The following SLC26A11 variants were observed in gnomAD, a reference collection of about 807,000 sequenced individuals.
The protein encoded by SLC26A11 is solute carrier family 26 member 11, also known as sodium-independent sulfate anion transporter.
A neutral mutation model predicts 62.2 loss-of-function variants in SLC26A11; 58 were observed. That is an observed-to-expected ratio of 0.93 (90% CI 0.76 to 1.16). SLC26A11 has a LOEUF of 1.16. SLC26A11 is among the 50% of genes most tolerant of loss of function. SLC26A11 has a pLI of 0.00. For synonymous variants in SLC26A11, 411 were observed against 368.9 expected (o/e 1.11, Z -1.31); for missense variants, 790 against 794.3 (o/e 0.99, Z 0.06).
chr17:80,235,128 G>A (rs1286035785), intron 7 of SLC26A11, among the ~76,000 whole-genome samples: 1 of 152,090 alleles, frequency 6.6e-6, no homozygotes, highest in Non-Finnish European at 1.5e-5. Flanking sequence ...GGGATTACAG[G>A]CGTGAGCTAC....
intron 3 of SLC26A11, 26 bp downstream of exon 3, chr17:80,221,820 C>T (rs1241861054): frequency 6.3e-7 from 1 of 1,592,192 alleles, no homozygotes; most frequent in Non-Finnish European, 8.5e-7. Context: ...CTGCTGCCAG[C>T]CATATCTCAG....
chr17:80,236,912 T>G lies in SLC26A11; in HGVS notation c.737-16T>G. The G allele has an allele frequency of 6.3e-7, 1 of 1,599,190 alleles. No individual in the cohort carries two copies. The highest frequency in any genetic ancestry group is 2.2e-5 in the East Asian group (1 of 44,454). ...CCGGGAGCAGGGTCTCGGACGCACC[T>G]CTCCTTCTCTCCTAGCTCGCAACGC... On this transcript the variant is annotated splice_polypyrimidine_tract_variant and intron_variant, in intron 7 of 17. Transcript: ENST00000361193.
chr17:80,231,776 T>G (rs1458302105), intron 7 of SLC26A11, among the ~76,000 whole-genome samples: 4 of 152,264 alleles, frequency 2.6e-5, no homozygotes, highest in African/African-American at 9.6e-5. Flanking sequence ...TGATTTCTAA[T>G]TTAGTTCCAT....
chr17:80,222,450 G>A lies in SLC26A11; in HGVS notation c.235-205G>A. The A allele has an allele frequency of 5.1e-6, 3 of 585,296 alleles. No homozygotes were observed. Among genetic ancestry groups the A allele is most frequent in the Admixed American group, 6.0e-5 (2 of 33,370 alleles). 36.3% of individuals were successfully genotyped at this position (585,296 alleles called of 1,614,324 possible). A position where few individuals can be genotyped will look rare whatever the true frequency, so the allele number is the denominator to read the frequency against. ...CCTGCACCGACCCCTCTGCCTGGCT[G>A]TCTGCACCCTGAGGCCCCAGTTGAG... On this transcript the variant is annotated intron_variant, in intron 3 of 17. Transcript: ENST00000361193. The surrounding 1 kb of genome is among the most constrained non-coding windows in gnomAD (Gnocchi z 4.7).
intron 7 of SLC26A11, among the ~76,000 whole-genome samples, chr17:80,234,852 C>CT (rs558869151): frequency 1.2e-3 from 159 of 135,936 alleles, no homozygotes; most frequent in South Asian, 8.7e-3. Flanking sequence ...CTTTTTTTTT[C>CT]TTTTTTTTTT....
chr17:80,222,458 C>G lies in SLC26A11; in HGVS notation c.235-197C>G. ...GACCCCTCTGCCTGGCTGTCTGCAC[C>G]CTGAGGCCCCAGTTGAGTGCTGCTA... On this transcript the variant is annotated intron_variant, in intron 3 of 17. Transcript: ENST00000361193. This position sits in a 1 kb window ranked among gnomAD's most constrained non-coding sequence, Gnocchi z 4.7. 1.7e-6 allele frequency: 1 copy of G among 592,726 alleles called. No individual in the cohort carries two copies. The allele number at this position is 592,726 out of a possible 1,614,324, so 36.7% of individuals were successfully genotyped here.
intron 10 of SLC26A11, among the ~76,000 whole-genome samples, chr17:80,244,944 C>T (rs2042955299): frequency 7.2e-6 from 1 of 139,302 alleles, no homozygotes; most frequent in African/African-American, 2.7e-5. Context: ...CACTGCATTC[C>T]AGCCTGGGCA....
At chr17:80,227,744 C>G in intron 6 of SLC26A11, 74 bp from the exon 7 acceptor site, 1 of 1,546,562 alleles carries the variant, frequency 6.5e-7, no homozygotes, top group South Asian at 1.2e-5. Context: ...TCAGCTTAAG[C>G]AGCAGCAGGA....
Position 80,246,311 on chromosome 17 carries a change from C to T in SLC26A11, c.1153+102C>T. On this transcript the variant is annotated intron_variant, in intron 12 of 17. Transcript: ENST00000361193. The surrounding 1 kb of genome is among the most constrained non-coding windows in gnomAD (Gnocchi z 4.4). ...CCCTTTGGCTCATGGGCCGTGCGCC[C>T]CGGGACTGCACAGGGACTTGGGGGG... is the stretch of plus-strand genomic sequence containing the variant. The T allele has an allele frequency of 6.8e-7, 1 of 1,472,806 alleles. No individual in the cohort carries two copies. Among genetic ancestry groups the T allele is most frequent in the East Asian group, 2.3e-5 (1 of 43,950 alleles). The allele number at this position is 1,472,806 out of a possible 1,614,324, so 91.2% of individuals were successfully genotyped here. A position where few individuals can be genotyped will look rare whatever the true frequency, so the allele number is the denominator to read the frequency against.
chr17:80,245,315 C>G, intron 11 of SLC26A11, 59 bp downstream of exon 11: 1 of 1,566,224 alleles, frequency 6.4e-7, no homozygotes, highest in Non-Finnish European at 8.8e-7. Context: ...CGTTGTTACG[C>G]TGACAAGGAG....
In SLC26A11 at chr17:80,245,445, C is replaced by T. The variant is rs2042969732; in HGVS notation, c.1097+189C>T. The T allele has an allele frequency of 3.9e-5, 23 of 592,988 alleles. No homozygotes were observed. The South Asian group carries it at 4.4e-4, about 11-fold the overall frequency. 36.7% of individuals were successfully genotyped at this position (592,988 alleles called of 1,614,324 possible). Reference sequence around the variant, plus strand: ...CTGTTTCTTTATTCTCATAGATCGTCCTGCAGTTTCATACTAGAAAGTTCC... The same window carrying T: ...CTGTTTCTTTATTCTCATAGATCGTTCTGCAGTTTCATACTAGAAAGTTCC... On this transcript the variant is annotated intron_variant, in intron 11 of 17. Coordinates refer to ENST00000361193, the MANE Select transcript of SLC26A11 (RefSeq NM_001166347.2).
rs1377144761 is a variant in SLC26A11 at position 80,252,268 on chromosome 17, G to A, written c.1730-357G>A. Among the ~76,000 whole-genome samples the A allele has an allele frequency of 6.6e-6, 1 of 152,194 alleles. No individual in the cohort carries two copies. Among genetic ancestry groups the A allele is most frequent in the Non-Finnish European group, 1.5e-5 (1 of 68,038 alleles). ...GGTCAGCTCCGTGAGAGTGAGGGGT[G>A]GCGGATGTTGTACTGACTTCCTTGG... On this transcript the variant is annotated intron_variant, in intron 17 of 17. Coordinates refer to ENST00000361193, the MANE Select transcript of SLC26A11 (RefSeq NM_001166347.2). The surrounding 1 kb of genome is among the most constrained non-coding windows in gnomAD (Gnocchi z 5.2).
At chr17:80,227,564 C>T (rs528555708) in intron 6 of SLC26A11, among the ~76,000 whole-genome samples, 1 of 152,368 alleles carries the variant, frequency 6.6e-6, no homozygotes, top group East Asian at 1.9e-4. Flanking sequence ...AACATCTCAG[C>T]CTAGTCTGTG....
In SLC26A11 at chr17:80,238,820, G is replaced by GTTTTTTTTTTTTTTTTTTTTTTT. The variant is rs1366044421; in HGVS notation, c.985+1232_985+1233insTTTTTTTTTTTTTTTTTTTTTTT. On this transcript the variant is annotated intron_variant, in intron 9 of 17. Transcript: ENST00000361193. ...TACCCCCTTCAAAGGAGTTTTTTTT[G>GTTTTTTTTTTTTTTTTTTTTTTT]TTTTTTGTTTTTTTTTTTTTTTGGA... 4.6e-5 allele frequency among the ~76,000 whole-genome samples: 4 copies of GTTTTTTTTTTTTTTTTTTTTTTT among 87,366 alleles called. 2 individuals are homozygous for GTTTTTTTTTTTTTTTTTTTTTTT. The highest frequency in any genetic ancestry group is 9.3e-5 in the Non-Finnish European group (4 of 42,976). 57.3% of individuals were successfully genotyped at this position (87,366 alleles called of 152,430 possible).
intron 7 of SLC26A11, among the ~76,000 whole-genome samples, chr17:80,235,766 T>C (rs769800694): frequency 9.9e-5 from 15 of 152,246 alleles, no homozygotes; most frequent in Non-Finnish European, 2.2e-4. Flanking sequence ...TAAATCTTCT[T>C]GAGCTTTGTT....
chr17:80,239,891 A>G (rs568836347), intron 9 of SLC26A11, among the ~76,000 whole-genome samples: 1 of 152,384 alleles, frequency 6.6e-6, no homozygotes, highest in Non-Finnish European at 1.5e-5. Flanking sequence ...TGAAATCCAG[A>G]TCTCATGTTT....
chr17:80,223,265 C>T lies in SLC26A11; in HGVS notation c.441C>T (p.Asp147=). ...TTGGCTGGCCAGGGTTCCTGCTGGA[C>T]TTCATTTCCTACCCCGTCATTAAAG... ...MGVLRLGFLL[D]FISYPVIKGF... Residue 147 remains aspartate, a synonymous_variant, in exon 5 of 18, where the codon GAC becomes GAT. Transcript: ENST00000361193. This position sits in a 1 kb window ranked among gnomAD's most constrained non-coding sequence, Gnocchi z 4.6. The T allele has an allele frequency of 6.2e-7, 1 of 1,614,170 alleles. No homozygotes were observed. The highest frequency in any genetic ancestry group is 8.5e-7 in the Non-Finnish European group (1 of 1,180,020).
intron 11 of SLC26A11, 53 bp downstream of exon 11, chr17:80,245,309 G>A: frequency 6.3e-7 from 1 of 1,580,478 alleles, no homozygotes; most frequent in Non-Finnish European, 8.7e-7. Context: ...CCCTAACGTT[G>A]TTACGCTGAC....
chr17:80,226,296 G>T (rs1383538111), intron 6 of SLC26A11, among the ~76,000 whole-genome samples: 1 of 152,198 alleles, frequency 6.6e-6, no homozygotes, highest in Admixed American at 6.5e-5. Context: ...TTAAGGAGGA[G>T]AACACAGGGC....
Sources: allele counts gnomAD v4.1 joint callset (sites outside exome capture counted in the v4.1 genomes callset), GRCh38; gene constraint gnomAD v4.1.1; non-coding constraint Gnocchi (gnomAD v3.1); transcripts MANE v1.5; gene names NCBI Gene and HGNC (gene_info 2026-07-23, HGNC 2026-07-21).